FAM161B: variants seen among roughly 807,000 people sequenced by gnomAD.
FAM161B encodes the protein FAM161 centrosomal protein B.
FAM161B carries 46 observed loss-of-function variants against 61.5 expected under a neutral mutation model. The ratio of observed to expected loss-of-function variants is 0.75; its 90% CI spans 0.59 to 0.96. FAM161B has a LOEUF of 0.96. FAM161B is among the 40% of genes least tolerant of loss of function. The pLI, the probability that FAM161B is intolerant of heterozygous loss-of-function variation, is 0.00. For synonymous variants in FAM161B, 284 were observed against 302.7 expected, an observed-to-expected ratio of 0.94 and a Z score of 0.64; for missense variants, 774 against 800.7, an observed-to-expected ratio of 0.97 and a Z score of 0.40.
intron 4 of FAM161B, 53 bp from the exon 5 acceptor site, chr14:73,941,106 ATCT>A (rs2056014484): frequency 5.1e-5 from 61 of 1,206,752 alleles, no homozygotes; most frequent in Non-Finnish European, 6.3e-5. Flanking sequence ...ATTAGTTTCT[ATCT>A]TTTTTTTTTT....
chr14:73,942,814 T>C lies in FAM161B; in HGVS notation c.926-99A>G. 3 of 1,100,296 alleles carry C rather than the reference T, an allele frequency of 2.7e-6. No homozygotes were observed. In the South Asian group the frequency reaches 4.8e-5, roughly 18 times the overall value. 68.2% of individuals were successfully genotyped at this position (1,100,296 alleles called of 1,614,324 possible). ...TTTACACACTAGCTGTAAGTGTTAC[T>C]GGAGGCAAGTAGGAACTTTTCAGGA... On this transcript the variant is annotated intron_variant, in intron 3 of 8. Transcript: ENST00000286544.
downstream of FAM161B, among the ~76,000 whole-genome samples, chr14:73,926,595 C>A (rs1224076643): frequency 1.3e-5 from 2 of 152,010 alleles, no homozygotes; most frequent in South Asian, 4.2e-4. Context: ...CCACCAAGCC[C>A]CACTAATTTT....
chr14:73,944,578 G>A lies in FAM161B; in HGVS notation c.682C>T (p.Pro228Ser). 1 of 1,614,100 alleles carries A rather than the reference G, an allele frequency of 6.2e-7. No homozygotes were observed. The highest frequency in any genetic ancestry group is 8.5e-7 in the Non-Finnish European group (1 of 1,180,014). ...AQPVPAHVYL[P>S]LYQEIMERSE... is the part of the protein sequence containing the mutation. The stretch of plus-strand genomic sequence containing the variant: ...CGCTCCATGATCTCTTGGTAGAGGG[G>A]CAGGTAGACATGTGCAGGCACAGGC... Residue 228 changes from proline to serine, a missense_variant, in exon 3 of 9, where the codon CCC becomes TCC. Coordinates refer to ENST00000286544, the MANE Select transcript of FAM161B (RefSeq NM_152445.3).
chr14:73,935,866 G>T, intron 8 of FAM161B, 83 bp downstream of exon 8: 1 of 1,422,922 alleles, frequency 7.0e-7, no homozygotes, highest in Non-Finnish European at 9.4e-7. Flanking sequence ...AATACCAGTG[G>T]CTATTCTAAA....
intron 4 of FAM161B, 52 bp downstream of exon 4, chr14:73,942,317 C>T (rs1265612262): frequency 6.4e-7 from 1 of 1,553,774 alleles, no homozygotes; most frequent in African/African-American, 1.4e-5. Context: ...CTGGCCCCAC[C>T]CTGTATTTCA....
At chr14:73,941,701 G>C (rs1421967875) in intron 4 of FAM161B, among the ~76,000 whole-genome samples, 1 of 151,932 alleles carries the variant, frequency 6.6e-6, no homozygotes, top group Non-Finnish European at 1.5e-5. Flanking sequence ...TGTCCCTATG[G>C]TTTCTGTTGT....
intron 1 of FAM161B, 121 bp from the exon 2 acceptor site, chr14:73,946,726 G>A (rs2056070679): frequency 6.1e-6 from 6 of 985,678 alleles, no homozygotes; most frequent in Non-Finnish European, 8.8e-6. Context: ...TTTGGGGTCT[G>A]CCAGATGCAC....
the FAM161B span, among the ~76,000 whole-genome samples, chr14:73,926,322 A>G: frequency 1.1e-4 from 17 of 152,284 alleles, no homozygotes; most frequent in African/African-American, 3.9e-4. Flanking sequence ...TCAGGATTCA[A>G]ACAATGTCTG....
At chr14:73,931,389 C>A (rs2055912183), downstream of FAM161B, 1 of 860,930 alleles carries the variant, frequency 1.2e-6, no homozygotes, top group African/African-American at 1.7e-5. Flanking sequence ...AGATAGCCTT[C>A]ATTCACCCCT....
intron 4 of FAM161B, 78 bp downstream of exon 4, chr14:73,942,291 T>A (rs1476085936): frequency 7.1e-6 from 10 of 1,415,606 alleles, no homozygotes; most frequent in Non-Finnish European, 8.7e-6. Context: ...TGTTGAGAAG[T>A]GCTTTCCAGG....
chr14:73,944,348 C>T lies in FAM161B; in HGVS notation c.912G>A (p.Gly304=), dbSNP rs552894291. The T allele has an allele frequency of 6.2e-5, 99 of 1,588,530 alleles. 1 individual carries two copies. In the Middle Eastern group the frequency reaches 1.3e-3, roughly 22 times the overall value. The change falls in exon 3 of 9, where the codon GGG becomes GGA. Residue 304 remains glycine (G), a synonymous_variant. Coordinates refer to ENST00000286544, the MANE Select transcript of FAM161B (RefSeq NM_152445.3). ...IPKSILEPAL[G]DKLQEAELFR... is the part of the protein sequence containing the mutation. ...GGATGTCTTTACCCTGGAGTTTATCCCCAAGGGCTGGCTCCAGAATGGACT... is the reference window on the plus strand; with the variant it reads ...GGATGTCTTTACCCTGGAGTTTATCTCCAAGGGCTGGCTCCAGAATGGACT...
intron 5 of FAM161B, among the ~76,000 whole-genome samples, chr14:73,938,754 AGT>A: frequency 6.6e-6 from 1 of 152,180 alleles, no homozygotes; most frequent in Non-Finnish European, 1.5e-5. Flanking sequence ...CCTGGGCGAC[AGT>A]GAGAGACTCC....
chr14:73,937,854 C>T (rs2055983295), intron 6 of FAM161B, 94 bp downstream of exon 6: 1 of 1,579,218 alleles, frequency 6.3e-7, no homozygotes, highest in African/African-American at 1.4e-5. Flanking sequence ...AGCCTACCTA[C>T]CTCGATAACT....
intron 1 of FAM161B, among the ~76,000 whole-genome samples, chr14:73,949,298 T>C (rs183819227): frequency 3.7e-4 from 57 of 152,058 alleles, no homozygotes; most frequent in African/African-American, 1.3e-3. Flanking sequence ...AGAGACAGGG[T>C]TTCTCCATGT....
rs1198708345 is a variant in FAM161B at position 73,944,880 on chromosome 14, C to T, written c.380G>A (p.Gly127Asp). The T allele has an allele frequency of 3.6e-5, 54 of 1,510,878 alleles. No individual in the cohort carries two copies. Among genetic ancestry groups the T allele is most frequent in the Non-Finnish European group, 4.6e-5 (52 of 1,131,520 alleles). 93.6% of individuals were successfully genotyped at this position (1,510,878 alleles called of 1,614,324 possible). A position where few individuals can be genotyped will look rare whatever the true frequency, so the allele number is the denominator to read the frequency against. ...CAGGGAGCTGCAGCGCCTTGTGGAG[C>T]CACACCTGGGAAAAAAGCAGATCTG... ...QVQCPQALRC[G>D]STRRCSSLNN... The change falls in exon 3 of 9, where the codon GGC becomes GAC. Residue 127 changes from glycine to aspartate, a missense_variant. Transcript: ENST00000286544.
chr14:73,946,007 G>T (rs1228059611), intron 2 of FAM161B, among the ~76,000 whole-genome samples: 1 of 152,172 alleles, frequency 6.6e-6, no homozygotes, highest in Non-Finnish European at 1.5e-5. Flanking sequence ...CTCCCAAAGT[G>T]CTGGAATTAC....
Position 73,934,215 on chromosome 14 carries a change from T to C in FAM161B, c.*41A>G. Reference sequence around the variant, plus strand: ...TGCCTTGACTCAAACCCAAGTTAGCTGCTTAATATTTTTCAAAAGCAGTAA... The same window carrying C: ...TGCCTTGACTCAAACCCAAGTTAGCCGCTTAATATTTTTCAAAAGCAGTAA... On this transcript the variant is annotated 3_prime_UTR_variant, in exon 9 of 9. Coordinates refer to ENST00000286544, the MANE Select transcript of FAM161B (RefSeq NM_152445.3). The C allele has an allele frequency of 6.3e-7, 1 of 1,595,858 alleles. No individual in the cohort carries two copies. The highest frequency in any genetic ancestry group is 8.5e-7 in the Non-Finnish European group (1 of 1,172,546).
intron 1 of FAM161B, among the ~76,000 whole-genome samples, chr14:73,947,633 C>G (rs535008372): frequency 6.6e-6 from 1 of 152,096 alleles, no homozygotes; most frequent in East Asian, 1.9e-4. Context: ...ATGATAAATT[C>G]TGTGAAAACC....
At chr14:73,937,029 G>A (rs1236958847) in intron 7 of FAM161B, among the ~76,000 whole-genome samples, 4 of 151,856 alleles carry the variant, frequency 2.6e-5, no homozygotes, top group African/African-American at 7.3e-5. Context: ...ACTGCCTATG[G>A]GTTAGCCCTG....
Sources: allele counts gnomAD v4.1 joint callset (sites outside exome capture counted in the v4.1 genomes callset), GRCh38; gene constraint gnomAD v4.1.1; transcripts MANE v1.5; gene names NCBI Gene and HGNC (gene_info 2026-07-23, HGNC 2026-07-21).